SMARCAD1: variants seen among roughly 807,000 people sequenced by gnomAD.
SMARCAD1 encodes SWI/SNF-related matrix-associated actin-dependent regulator of chromatin subfamily A containing DEAD/H box 1.
Under a neutral mutation model 127.1 loss-of-function variants are expected in SMARCAD1, and 25 were observed. The ratio of observed to expected loss-of-function variants is 0.20; its 90% CI spans 0.14 to 0.27. SMARCAD1 has a LOEUF of 0.27. SMARCAD1 is among the 10% of genes least tolerant of loss of function. The pLI, the probability that SMARCAD1 is intolerant of heterozygous loss-of-function variation, is 1.00. For synonymous variants in SMARCAD1, 400 were observed against 396.9 expected (o/e 1.01, Z -0.09); for missense variants, 807 against 1,206.0 (o/e 0.67, Z 4.90).
At chr4:94,252,501 G>A (rs574901386) in intron 8 of SMARCAD1, 115 bp from the exon 9 acceptor site, 58 of 621,360 alleles carry the variant, frequency 9.3e-5, no homozygotes, top group South Asian at 5.6e-4. Flanking sequence ...ATAAATTGTC[G>A]TTGAATTCTT....
At chr4:94,240,092 T>C (rs1747345304) in intron 5 of SMARCAD1, among the ~76,000 whole-genome samples, 1 of 152,112 alleles carries the variant, frequency 6.6e-6, no homozygotes. Flanking sequence ...TATGTATGTA[T>C]TTGAGCTGCA....
At chr4:94,286,383 C>T (rs767248430) in intron 23 of SMARCAD1, among the ~76,000 whole-genome samples, 8 of 152,314 alleles carry the variant, frequency 5.3e-5, no homozygotes, top group Middle Eastern at 3.4e-3. Flanking sequence ...AAGCTTTAGA[C>T]ATCTTACCTG....
chr4:94,278,238 T>C (rs980406401), intron 16 of SMARCAD1, among the ~76,000 whole-genome samples, 184 bp from the exon 17 acceptor site: 2 of 152,122 alleles, frequency 1.3e-5, no homozygotes, highest in Non-Finnish European at 2.9e-5. Flanking sequence ...AAAATACATA[T>C]GGAGCTTCAA....
chr4:94,269,046 CAGAATT>C (rs1243168021), intron 10 of SMARCAD1, among the ~76,000 whole-genome samples: 1 of 152,054 alleles, frequency 6.6e-6, no homozygotes, highest in Non-Finnish European at 1.5e-5. Context: ...ATTATAAAGA[CAGAATT>C]AGAAAAGAAT....
chr4:94,273,081 C>T (rs1752773475), intron 11 of SMARCAD1, among the ~76,000 whole-genome samples: 1 of 152,304 alleles, frequency 6.6e-6, no homozygotes, highest in African/African-American at 2.4e-5. Context: ...TCTGGGATTA[C>T]AGGCATGCAC....
At chr4:94,224,095 T>C (rs760783668) in intron 2 of SMARCAD1, among the ~76,000 whole-genome samples, 7 of 152,186 alleles carry the variant, frequency 4.6e-5, no homozygotes, top group Non-Finnish European at 7.3e-5. Context: ...TTTTATTACT[T>C]TGTGTATGAT....
intron 23 of SMARCAD1, 126 bp from the exon 24 acceptor site, chr4:94,289,347 G>T: frequency 1.3e-6 from 1 of 795,444 alleles, no homozygotes; most frequent in South Asian, 1.6e-5. Flanking sequence ...AGGGGTGAGT[G>T]ACACTGAAGC....
chr4:94,249,794 A>C (rs754417571), intron 7 of SMARCAD1, 39 bp downstream of exon 7: 1 of 1,146,266 alleles, frequency 8.7e-7, no homozygotes, highest in Non-Finnish European at 1.3e-6. Flanking sequence ...AGTGTGTACT[A>C]AGTGTTTTTA....
chr4:94,215,567 G>T (rs1205015715), intron 2 of SMARCAD1, among the ~76,000 whole-genome samples: 14 of 139,402 alleles, frequency 1.0e-4, no homozygotes, highest in African/African-American at 3.5e-4. Flanking sequence ...GTTATGGTAA[G>T]CTGTGATCAC....
chr4:94,215,688 C>T (rs1459720441), intron 2 of SMARCAD1, among the ~76,000 whole-genome samples: 1 of 152,062 alleles, frequency 6.6e-6, no homozygotes, highest in African/African-American at 2.4e-5. Flanking sequence ...TCACCCTACA[C>T]ACAAATTTCA....
Position 94,289,783 on chromosome 4 carries a change from T to C in SMARCAD1, c.*249T>C, listed in dbSNP as rs1272612203. 3 of 590,252 alleles carry C rather than the reference T, an allele frequency of 5.1e-6. No homozygotes were observed. The African/African-American group carries it at 5.5e-5, about 11-fold the overall frequency. 36.6% of individuals were successfully genotyped at this position (590,252 alleles called of 1,614,324 possible). A position where few individuals can be genotyped will look rare whatever the true frequency, so the allele number is the denominator to read the frequency against. The stretch of plus-strand genomic sequence containing the variant: ...TTGAATAATCATTTTACAAAGCAGT[T>C]TTCTGAATGGGGATTAGTTGGTGAT... On this transcript the variant is annotated 3_prime_UTR_variant, in exon 24 of 24. Coordinates refer to ENST00000354268, the MANE Select transcript of SMARCAD1 (RefSeq NM_020159.5).
intron 2 of SMARCAD1, among the ~76,000 whole-genome samples, chr4:94,222,200 A>G (rs775867074): frequency 1.3e-5 from 2 of 152,172 alleles, no homozygotes; most frequent in Non-Finnish European, 2.9e-5. Flanking sequence ...AGTGTTGTCA[A>G]CTCATATCAA....
intron 2 of SMARCAD1, among the ~76,000 whole-genome samples, chr4:94,214,952 C>T (rs997042102): frequency 6.6e-6 from 1 of 152,172 alleles, no homozygotes; most frequent in East Asian, 1.9e-4. Flanking sequence ...GAGTATTGCT[C>T]TGCCACATAC....
chr4:94,238,020 TTAC>T (rs1746966222), intron 5 of SMARCAD1, among the ~76,000 whole-genome samples: 1 of 152,168 alleles, frequency 6.6e-6, no homozygotes. Context: ...AAGTGGATTC[TTAC>T]TACTATTAAT....
intron 2 of SMARCAD1, chr4:94,213,143 G>A (rs1032826428): frequency 7.9e-7 from 1 of 1,270,888 alleles, no homozygotes. Flanking sequence ...AAGAGCACCA[G>A]GAGAAAATGG....
intron 10 of SMARCAD1, among the ~76,000 whole-genome samples, chr4:94,269,943 G>T (rs771291420): frequency 6.6e-6 from 1 of 151,950 alleles, no homozygotes; most frequent in African/African-American, 2.4e-5. Flanking sequence ...AAAGTGCTGG[G>T]ATTACGGGCA....
chr4:94,268,323 CTT>C (rs948095981), intron 10 of SMARCAD1, among the ~76,000 whole-genome samples: 15 of 151,666 alleles, frequency 9.9e-5, no homozygotes, highest in East Asian at 9.6e-4. Flanking sequence ...TAAATAGACT[CTT>C]TTCCCAATGT....
chr4:94,250,594 C>T (rs950204171), intron 7 of SMARCAD1, among the ~76,000 whole-genome samples, 158 bp from the exon 8 acceptor site: 1 of 152,026 alleles, frequency 6.6e-6, no homozygotes, highest in Non-Finnish European at 1.5e-5. Context: ...TGAAATTACA[C>T]AGAAAGCATT....
intron 2 of SMARCAD1, among the ~76,000 whole-genome samples, chr4:94,212,640 C>T (rs1392143269): frequency 6.6e-6 from 1 of 152,068 alleles, no homozygotes; most frequent in Non-Finnish European, 1.5e-5. Context: ...GTGCACACCA[C>T]CACAGCCGGC....
Sources: gnomAD v4.1 joint callset for allele counts (sites outside exome capture counted in the v4.1 genomes callset) on GRCh38, gnomAD v4.1.1 for gene constraint, MANE v1.5 for transcripts, NCBI Gene and HGNC (gene_info 2026-07-23, HGNC 2026-07-21) for gene names.